DRC11: variants seen among roughly 807,000 people sequenced by gnomAD.
DRC11 encodes the protein dynein regulatory complex subunit 11.
the DRC11 span, among the ~76,000 whole-genome samples, chr2:236,333,805 G>A: frequency 6.6e-6 from 1 of 152,192 alleles, no homozygotes; most frequent in Non-Finnish European, 1.5e-5. This position sits in a 1 kb window ranked among gnomAD's most constrained non-coding sequence, Gnocchi z 6.0. Flanking sequence ...GATGAGTAGA[G>A]ATTCATTAGT....
the DRC11 span, chr2:236,488,070 C>T: frequency 6.2e-7 from 1 of 1,608,308 alleles, no homozygotes; most frequent in Non-Finnish European, 8.5e-7. Flanking sequence ...TTGCTTTGCT[C>T]TATATTCTTG....
the DRC11 span, among the ~76,000 whole-genome samples, chr2:236,354,535 C>T: frequency 1.1e-4 from 17 of 152,214 alleles, no homozygotes; most frequent in African/African-American, 3.1e-4. Flanking sequence ...AATGAATTCT[C>T]GCCAGGTGGA....
the DRC11 span, among the ~76,000 whole-genome samples, chr2:236,397,519 C>T: frequency 1.1e-3 from 162 of 152,316 alleles, no homozygotes; most frequent in African/African-American, 3.2e-3. This position sits in a 1 kb window ranked among gnomAD's most constrained non-coding sequence, Gnocchi z 5.0. Context: ...GCTCAAGGAT[C>T]GCAGCTGAGA....
the DRC11 span, among the ~76,000 whole-genome samples, chr2:236,363,333 G>A: frequency 6.6e-6 from 1 of 152,180 alleles, no homozygotes; most frequent in Non-Finnish European, 1.5e-5. This position sits in a 1 kb window ranked among gnomAD's most constrained non-coding sequence, Gnocchi z 5.6. Context: ...TACTCTGGTC[G>A]GCTTAGGTGC....
the DRC11 span, among the ~76,000 whole-genome samples, chr2:236,378,347 A>C: frequency 3.8e-4 from 58 of 152,196 alleles, no homozygotes; most frequent in Middle Eastern, 6.3e-3. Context: ...ATAAATTTGA[A>C]GAAGATTCTC....
chr2:236,311,057 G>A, the DRC11 span, among the ~76,000 whole-genome samples: 1 of 152,208 alleles, frequency 6.6e-6, no homozygotes, highest in Admixed American at 6.5e-5. This position sits in a 1 kb window ranked among gnomAD's most constrained non-coding sequence, Gnocchi z 6.9. Flanking sequence ...TCTCACCTCT[G>A]GGGACGACAC....
At chr2:236,441,027 A>C in the DRC11 span, 6 of 1,439,184 alleles carry the variant, frequency 4.2e-6, no homozygotes, top group Non-Finnish European at 5.7e-6. Flanking sequence ...TTATTTCTCA[A>C]GCATATTTGT....
the DRC11 span, among the ~76,000 whole-genome samples, chr2:236,349,345 T>C: frequency 6.6e-6 from 1 of 152,224 alleles, no homozygotes; most frequent in Non-Finnish European, 1.5e-5. This position sits in a 1 kb window ranked among gnomAD's most constrained non-coding sequence, Gnocchi z 5.5. Flanking sequence ...TGAGACGTTG[T>C]ATGTAAAAGG....
chr2:236,363,924 C>G, the DRC11 span: 2 of 1,614,008 alleles, frequency 1.2e-6, no homozygotes, highest in East Asian at 4.5e-5. This position sits in a 1 kb window ranked among gnomAD's most constrained non-coding sequence, Gnocchi z 5.6. Flanking sequence ...CCCCAGACGG[C>G]CCGGCTAACA....
the DRC11 span, among the ~76,000 whole-genome samples, chr2:236,459,539 ACG>A: frequency 2.4e-3 from 307 of 129,234 alleles, 1 homozygote; most frequent in African/African-American, 6.2e-3. Flanking sequence ...GTATACGTAT[ACG>A]TATACGTATA....
At chr2:236,359,390 C>CA in the DRC11 span, among the ~76,000 whole-genome samples, 1 of 152,146 alleles carries the variant, frequency 6.6e-6, no homozygotes, top group Admixed American at 6.5e-5. This position sits in a 1 kb window ranked among gnomAD's most constrained non-coding sequence, Gnocchi z 4.3. Flanking sequence ...AGTTGTGAAA[C>CA]AAATCGGAGA....
the DRC11 span, among the ~76,000 whole-genome samples, chr2:236,395,639 T>C: frequency 1.3e-5 from 2 of 152,220 alleles, no homozygotes; most frequent in African/African-American, 4.8e-5. Context: ...TAACACGTAG[T>C]GATAAAACAT....
At chr2:236,309,641 C>G in the DRC11 span, among the ~76,000 whole-genome samples, 1 of 152,238 alleles carries the variant, frequency 6.6e-6, no homozygotes, top group Non-Finnish European at 1.5e-5. The surrounding 1 kb of genome is among the most constrained non-coding windows in gnomAD (Gnocchi z 5.7). Flanking sequence ...ACGTCTCCAT[C>G]TTTATATTTA....
At chr2:236,472,344 C>T in the DRC11 span, among the ~76,000 whole-genome samples, 3 of 152,262 alleles carry the variant, frequency 2.0e-5, no homozygotes, top group South Asian at 2.1e-4. The surrounding 1 kb of genome is among the most constrained non-coding windows in gnomAD (Gnocchi z 4.6). Context: ...CTATGGTAGA[C>T]GCAGGTGAGA....
the DRC11 span, among the ~76,000 whole-genome samples, chr2:236,323,668 G>A: frequency 6.6e-6 from 1 of 152,198 alleles, no homozygotes; most frequent in South Asian, 2.1e-4. This position sits in a 1 kb window ranked among gnomAD's most constrained non-coding sequence, Gnocchi z 6.4. Context: ...TCTATGCAGT[G>A]TGAGATTTTA....
At chr2:236,467,553 C>T in the DRC11 span, among the ~76,000 whole-genome samples, 1 of 152,126 alleles carries the variant, frequency 6.6e-6, no homozygotes, top group African/African-American at 2.4e-5. Flanking sequence ...CTTGTGCCTT[C>T]CTTATTTTTT....
At chr2:236,372,619 T>C in the DRC11 span, among the ~76,000 whole-genome samples, 1 of 152,052 alleles carries the variant, frequency 6.6e-6, no homozygotes, top group Admixed American at 6.5e-5. This position sits in a 1 kb window ranked among gnomAD's most constrained non-coding sequence, Gnocchi z 4.5. Flanking sequence ...ATTTATAAAA[T>C]TAAAATTTGA....
the DRC11 span, among the ~76,000 whole-genome samples, chr2:236,459,956 T>C: frequency 2.0e-5 from 3 of 152,088 alleles, no homozygotes; most frequent in African/African-American, 4.8e-5. Context: ...TTCCAAATCG[T>C]GGGAATGCAT....
At chr2:236,316,121 C>T in the DRC11 span, among the ~76,000 whole-genome samples, 1 of 150,200 alleles carries the variant, frequency 6.7e-6, no homozygotes, top group African/African-American at 2.5e-5. This position sits in a 1 kb window ranked among gnomAD's most constrained non-coding sequence, Gnocchi z 6.8. Flanking sequence ...AGCCAAGTTT[C>T]CTTAACATTA....
Sources: allele counts gnomAD v4.1 joint callset (sites outside exome capture counted in the v4.1 genomes callset), GRCh38; gene constraint gnomAD v4.1.1; non-coding constraint Gnocchi (gnomAD v3.1); transcripts MANE v1.5; gene names NCBI Gene and HGNC (gene_info 2026-07-23, HGNC 2026-07-21).